Variants in ANKFN1 observed in about 807,000 individuals in gnomAD.
ANKFN1 encodes the protein ankyrin repeat and fibronectin type III domain containing 1, also known as ankyrin repeat and fibronectin type-III domain-containing protein 1.
A neutral mutation model predicts 108.7 loss-of-function variants in ANKFN1; 74 were observed. The ratio of observed to expected loss-of-function variants is 0.68; its 90% confidence interval spans 0.56 to 0.83. The LOEUF (loss-of-function observed/expected upper bound fraction) is 0.83. ANKFN1 is among the 40% of genes least tolerant of loss of function. The probability of loss-of-function intolerance (pLI) is 0.00; values close to 1 mark genes in which losing one functional copy is unlikely to be tolerated. For synonymous variants in ANKFN1, 547 were observed against 516.2 expected (o/e 1.06, Z -0.81); for missense variants, 1,505 against 1,382.3 (o/e 1.09, Z -1.41).
chr17:56,084,722 A>AT (rs1169735097), intron 4 of ANKFN1, among the ~76,000 whole-genome samples: 1 of 111,090 alleles, frequency 9.0e-6, no homozygotes, highest in Non-Finnish European at 1.7e-5. Flanking sequence ...TTCTCCTTGG[A>AT]TTTTCTGGAA....
intron 4 of ANKFN1, among the ~76,000 whole-genome samples, chr17:56,132,697 C>G (rs190974482): frequency 6.6e-6 from 1 of 152,020 alleles, no homozygotes; most frequent in African/African-American, 2.4e-5. Flanking sequence ...GATTAAGATG[C>G]CTGTAGATTC....
chr17:56,100,437 T>C (rs1344064952), intron 4 of ANKFN1, among the ~76,000 whole-genome samples: 1 of 152,212 alleles, frequency 6.6e-6, no homozygotes, highest in Non-Finnish European at 1.5e-5. Flanking sequence ...TGTGGACAGA[T>C]CAATGTATTA....
chr17:56,170,395 A>G (rs531406728), intron 1 of ANKFN1, among the ~76,000 whole-genome samples: 2 of 152,278 alleles, frequency 1.3e-5, no homozygotes, highest in Non-Finnish European at 2.9e-5. Context: ...GGAGGCAGAC[A>G]GGTTGCTGGA....
At chr17:56,473,766 A>G (rs1361071921) in intron 15 of ANKFN1, 1 of 152,208 alleles carries the variant, frequency 6.6e-6, no homozygotes, top group East Asian at 1.9e-4. Context: ...TAAAGAGGAA[A>G]AAATGACTAC....
In ANKFN1 at chr17:56,094,474, CTTTTT is replaced by C. The variant is rs60149030; in HGVS notation, c.288+48169_288+48173del. Among the ~76,000 whole-genome samples, 9 of 75,966 alleles carry C rather than the reference CTTTTT, an allele frequency of 1.2e-4. No individual in the cohort carries two copies. In the East Asian group the frequency reaches 2.0e-3, roughly 17 times the overall value. 49.8% of individuals were successfully genotyped at this position (75,966 alleles called of 152,430 possible). On this transcript the variant is annotated intron_variant, in intron 4 of 12. Coordinates refer to the ANKFN1 transcript ENST00000635860. ...CTGTCTCAGTTCTCAGTTGTTTCTT[CTTTTT>C]TTTTTTTTTTTTTTTTTTTGAGGCG... is the stretch of plus-strand genomic sequence containing the variant.
chr17:56,112,593 C>A (rs1483924660), intron 4 of ANKFN1, among the ~76,000 whole-genome samples: 1 of 152,010 alleles, frequency 6.6e-6, no homozygotes, highest in Non-Finnish European at 1.5e-5. Flanking sequence ...TAAAAATGAA[C>A]AGGAACACAC....
At chr17:56,227,197 C>T (rs1164257851) in intron 2 of ANKFN1, among the ~76,000 whole-genome samples, 1 of 152,060 alleles carries the variant, frequency 6.6e-6, no homozygotes, top group East Asian at 1.9e-4. Context: ...AAAAGTACCC[C>T]TTTCAATATA....
At chr17:56,198,441 T>A (rs1016418451) in intron 1 of ANKFN1, among the ~76,000 whole-genome samples, 2 of 152,084 alleles carry the variant, frequency 1.3e-5, no homozygotes, top group Non-Finnish European at 2.9e-5. Flanking sequence ...ATATGAGTGA[T>A]GGGGAGTGAC....
chr17:56,141,545 T>A (rs956213122), intron 4 of ANKFN1, among the ~76,000 whole-genome samples: 2 of 152,132 alleles, frequency 1.3e-5, no homozygotes, highest in Non-Finnish European at 2.9e-5. Context: ...AAGCCACACA[T>A]AAATAATGAG....
chr17:56,167,393 T>A (rs1910255176), intron 1 of ANKFN1, among the ~76,000 whole-genome samples: 1 of 149,836 alleles, frequency 6.7e-6, no homozygotes, highest in Admixed American at 6.7e-5. Context: ...TTACTATCAA[T>A]ACTAATAATA....
intron 8 of ANKFN1, among the ~76,000 whole-genome samples, chr17:56,406,209 C>T (rs1233353602): frequency 2.0e-5 from 3 of 152,058 alleles, no homozygotes; most frequent in Admixed American, 6.6e-5. Context: ...TCATCCCATA[C>T]GCAGGAATAG....
At chr17:56,443,044 C>T in intron 10 of ANKFN1, 111 bp downstream of exon 10, 2 of 968,286 alleles carry the variant, frequency 2.1e-6, no homozygotes, top group Non-Finnish European at 3.1e-6. Flanking sequence ...CCCATAAGAC[C>T]TTCTCAGGGC....
intron 8 of ANKFN1, among the ~76,000 whole-genome samples, chr17:56,392,057 T>A (rs1401745059): frequency 6.6e-6 from 1 of 152,170 alleles, no homozygotes; most frequent in Non-Finnish European, 1.5e-5. Context: ...TAATACATAC[T>A]AAGTGGTTCC....
intron 8 of ANKFN1, among the ~76,000 whole-genome samples, chr17:56,405,137 T>C (rs896869446): frequency 5.3e-5 from 8 of 152,244 alleles, no homozygotes; most frequent in African/African-American, 1.7e-4. Flanking sequence ...TTTGTGCTGG[T>C]TGGCCTCCGG....
At position 56,480,662 on chromosome 17, in the gene ANKFN1, A is replaced by G. The variant is rs761354332; in HGVS notation, c.1941-6A>G. The G allele has an allele frequency of 1.9e-6, 3 of 1,613,572 alleles. No homozygotes were observed. ...ATTTCTAATTTTAACTTGACTCAACATACAGAGAGGAATGGGAATGGATCC... is the reference window on the plus strand; with the variant it reads ...ATTTCTAATTTTAACTTGACTCAACGTACAGAGAGGAATGGGAATGGATCC... On this transcript the variant is annotated splice_polypyrimidine_tract_variant and splice_region_variant and intron_variant, in intron 16 of 20. Coordinates refer to ENST00000682825, the MANE Select transcript of ANKFN1 (RefSeq NM_001370326.1).
chr17:56,293,222 T>G (rs1356971198), intron 3 of ANKFN1, among the ~76,000 whole-genome samples: 1 of 152,224 alleles, frequency 6.6e-6, no homozygotes, highest in African/African-American at 2.4e-5. Context: ...ATTTGCTTAT[T>G]CATTTGACAG....
At chr17:56,311,643 G>C (rs1455759345) in intron 3 of ANKFN1, among the ~76,000 whole-genome samples, 1 of 152,234 alleles carries the variant, frequency 6.6e-6, no homozygotes, top group Non-Finnish European at 1.5e-5. Context: ...GTGGGTGGCT[G>C]TGATAGTGAT....
At chr17:56,098,945 C>G (rs1905587533) in intron 4 of ANKFN1, among the ~76,000 whole-genome samples, 1 of 152,136 alleles carries the variant, frequency 6.6e-6, no homozygotes, top group Admixed American at 6.5e-5. Context: ...CTGCCAAGCT[C>G]AGATGCCCTG....
intron 4 of ANKFN1, among the ~76,000 whole-genome samples, chr17:56,082,541 G>A (rs1905261532): frequency 6.6e-6 from 1 of 152,148 alleles, no homozygotes; most frequent in Admixed American, 6.5e-5. Context: ...AAGATTTGCT[G>A]ATGGAGAGGA....
Sources: allele counts gnomAD v4.1 joint callset (sites outside exome capture counted in the v4.1 genomes callset), GRCh38; gene constraint gnomAD v4.1.1; transcripts MANE v1.5; gene names NCBI Gene and HGNC (gene_info 2026-07-23, HGNC 2026-07-21).